The following SRD5A2 variants were observed in gnomAD, a reference collection of about 807,000 sequenced individuals.
SRD5A2 encodes the protein steroid 5 alpha-reductase 2, also known as 3-oxo-5-alpha-steroid 4-dehydrogenase 2.
SRD5A2 carries 30 observed loss-of-function variants against 27.4 expected under a neutral mutation model. The observed-to-expected ratio is 1.10, with a 90% CI of 0.82 to 1.49. SRD5A2 has a LOEUF of 1.49. Ranked by LOEUF, SRD5A2 falls within the 40% of genes most tolerant of loss-of-function variation. The probability of loss-of-function intolerance (pLI) is 0.00; values close to 1 mark genes in which losing one functional copy is unlikely to be tolerated. For missense variants in SRD5A2, 348 were observed against 323.4 expected (o/e 1.08, Z -0.58); for synonymous variants, 141 against 133.6 (o/e 1.06, Z -0.38).
the SRD5A2 span, among the ~76,000 whole-genome samples, chr2:31,600,773 G>A: frequency 6.6e-6 from 1 of 151,804 alleles, no homozygotes; most frequent in Non-Finnish European, 1.5e-5. Context: ...AAATCTACAA[G>A]CCAATATCTC....
In SRD5A2 at chr2:31,525,958, G is replaced by T; in HGVS notation, c.*238C>A. 2.5e-6 allele frequency: 1 copy of T among 393,114 alleles called. No homozygotes were observed. Among genetic ancestry groups the T allele is most frequent in the Non-Finnish European group, 4.6e-6 (1 of 218,848 alleles). The allele number at this position is 393,114 out of a possible 1,614,324, so 24.4% of individuals were successfully genotyped here. A position where few individuals can be genotyped will look rare whatever the true frequency, so the allele number is the denominator to read the frequency against. On this transcript the variant is annotated 3_prime_UTR_variant, in exon 5 of 5. Coordinates refer to ENST00000622030, the MANE Select transcript of SRD5A2 (RefSeq NM_000348.4). Reference sequence around the variant, plus strand: ...GAGCAATAGCTAAGAAGCAACTGTCGCCATTTGGAAAAGTGGCTTTTTGAA... The same window carrying T: ...GAGCAATAGCTAAGAAGCAACTGTCTCCATTTGGAAAAGTGGCTTTTTGAA...
At chr2:31,660,105 C>A in the SRD5A2 span, among the ~76,000 whole-genome samples, 1 of 151,846 alleles carries the variant, frequency 6.6e-6, no homozygotes, top group Non-Finnish European at 1.5e-5. Flanking sequence ...CATATCTCTA[C>A]TTAATTAAAA....
chr2:31,615,230 T>A, the SRD5A2 span, among the ~76,000 whole-genome samples: 1 of 152,140 alleles, frequency 6.6e-6, no homozygotes, highest in African/African-American at 2.4e-5. Context: ...AATGTGGAAG[T>A]GACTTTAGAA....
intron 1 of SRD5A2, among the ~76,000 whole-genome samples, chr2:31,575,263 T>C (rs533113213): frequency 6.6e-6 from 1 of 152,230 alleles, no homozygotes; most frequent in Non-Finnish European, 1.5e-5. Context: ...TCTGCACCTC[T>C]CGTGAAATAA....
At chr2:31,602,203 T>C in the SRD5A2 span, among the ~76,000 whole-genome samples, 1 of 152,120 alleles carries the variant, frequency 6.6e-6, no homozygotes, top group South Asian at 2.1e-4. Context: ...TGATAGCAAC[T>C]TCAGCAAAGT....
At chr2:31,606,921 T>C in the SRD5A2 span, among the ~76,000 whole-genome samples, 1 of 151,992 alleles carries the variant, frequency 6.6e-6, no homozygotes, top group Non-Finnish European at 1.5e-5. Flanking sequence ...CTCTGAGGGT[T>C]GTGATGGATA....
intron 1 of SRD5A2, among the ~76,000 whole-genome samples, chr2:31,536,655 T>C (rs144968663): frequency 1.7e-3 from 254 of 152,326 alleles, no homozygotes; most frequent in African/African-American, 5.8e-3. Flanking sequence ...GTTCATCTAA[T>C]CTGAATAACT....
At chr2:31,534,360 C>A (rs1184870179) in intron 1 of SRD5A2, among the ~76,000 whole-genome samples, 1 of 152,018 alleles carries the variant, frequency 6.6e-6, no homozygotes, top group Non-Finnish European at 1.5e-5. Flanking sequence ...CAGACAAGAC[C>A]TAATATTTAC....
the SRD5A2 span, among the ~76,000 whole-genome samples, chr2:31,595,116 C>T: frequency 1.3e-5 from 2 of 151,972 alleles, no homozygotes; most frequent in East Asian, 3.9e-4. Context: ...TCTGAAAGAC[C>T]ACAAATAGAC....
At chr2:31,572,865 C>A (rs967361502) in intron 1 of SRD5A2, among the ~76,000 whole-genome samples, 2 of 152,096 alleles carry the variant, frequency 1.3e-5, no homozygotes, top group African/African-American at 4.8e-5. Context: ...CTTCTAGGAT[C>A]AGCCTTAACA....
chr2:31,599,374 A>T, the SRD5A2 span, among the ~76,000 whole-genome samples: 1 of 152,088 alleles, frequency 6.6e-6, no homozygotes, highest in Non-Finnish European at 1.5e-5. Context: ...TTTCCTCAGC[A>T]CATGGATTAT....
chr2:31,655,633 A>G, the SRD5A2 span, among the ~76,000 whole-genome samples: 2 of 152,200 alleles, frequency 1.3e-5, no homozygotes, highest in African/African-American at 4.8e-5. Flanking sequence ...CCCTGATCTC[A>G]TCAGCAAGAT....
At chr2:31,637,630 T>C in the SRD5A2 span, among the ~76,000 whole-genome samples, 1 of 152,118 alleles carries the variant, frequency 6.6e-6, no homozygotes, top group Non-Finnish European at 1.5e-5. Context: ...CTATGGGATA[T>C]CCCTAATCTG....
chr2:31,550,627 A>G (rs1445314076), intron 1 of SRD5A2, among the ~76,000 whole-genome samples: 2 of 151,920 alleles, frequency 1.3e-5, no homozygotes, highest in African/African-American at 4.8e-5. Flanking sequence ...TTAACAGAAT[A>G]AAAAAAGAGA....
chr2:31,567,454 G>GTATATATA (rs575917234), intron 1 of SRD5A2, among the ~76,000 whole-genome samples: 999 of 91,986 alleles, frequency 0.011, 5 homozygotes, highest in South Asian at 0.021. Flanking sequence ...GTGTGTGTGT[G>GTATATATA]TGTATATATA....
intron 1 of SRD5A2, among the ~76,000 whole-genome samples, chr2:31,536,998 T>C (rs1199929978): frequency 3.3e-5 from 5 of 152,216 alleles, no homozygotes; most frequent in Admixed American, 6.5e-5. Flanking sequence ...GGGGGATTCA[T>C]TGGAAAGGGT....
the SRD5A2 span, among the ~76,000 whole-genome samples, chr2:31,606,068 T>G: frequency 6.6e-6 from 1 of 151,918 alleles, no homozygotes; most frequent in South Asian, 2.1e-4. Flanking sequence ...CATCACATGT[T>G]CTCACTTATT....
At chr2:31,564,036 C>T (rs1666679370) in intron 1 of SRD5A2, among the ~76,000 whole-genome samples, 1 of 152,010 alleles carries the variant, frequency 6.6e-6, no homozygotes, top group Non-Finnish European at 1.5e-5. Flanking sequence ...TTCTGACCCT[C>T]CAATCAAAGA....
chr2:31,564,121 G>A (rs1229352676), intron 1 of SRD5A2, among the ~76,000 whole-genome samples: 2 of 151,976 alleles, frequency 1.3e-5, no homozygotes, highest in Non-Finnish European at 2.9e-5. Context: ...AACTGACACC[G>A]AAATGACACA....
Sources: gnomAD v4.1 joint callset for allele counts (sites outside exome capture counted in the v4.1 genomes callset) on GRCh38, gnomAD v4.1.1 for gene constraint, MANE v1.5 for transcripts, NCBI Gene and HGNC (gene_info 2026-07-23, HGNC 2026-07-21) for gene names.